Variants in BDKRB2 observed in about 807,000 individuals in gnomAD.
BDKRB2 encodes the protein bradykinin receptor B2.
In BDKRB2, 6 loss-of-function variants were observed where a neutral mutation model predicts 4.0. The observed-to-expected ratio is 1.49, with a 90% CI of 0.81 to 2.93. The LOEUF (loss-of-function observed/expected upper bound fraction) is 2.93. BDKRB2 is among the 30% of genes most tolerant of loss of function. The pLI, the probability that BDKRB2 is intolerant of heterozygous loss-of-function variation, is 0.00. For synonymous variants in BDKRB2, 225 were observed against 215.3 expected, an observed-to-expected ratio of 1.05 and a Z score of -0.40; for missense variants, 478 against 520.1, an observed-to-expected ratio of 0.92 and a Z score of 0.79.
chr14:96,204,882 TGGGGAC>T lies in BDKRB2; in HGVS notation c.-114_-109del, dbSNP rs1566685364. ...GGGCTCCGAGGAGGGGTGGGGACGG[TGGGGAC>T]GGTGGGGACATCAGGCTGCCCCGCA... On this transcript the variant is annotated 5_prime_UTR_variant, in exon 1 of 3. Transcript: ENST00000554311. The T allele has an allele frequency of 2.6e-5, 9 of 348,608 alleles. No individual in the cohort carries two copies. Among genetic ancestry groups the T allele is most frequent in the Non-Finnish European group, 3.4e-5 (6 of 175,764 alleles). 21.6% of individuals were successfully genotyped at this position (348,608 alleles called of 1,614,324 possible).
chr14:96,219,474 T>C lies in BDKRB2; in HGVS notation c.-40+14515T>C, dbSNP rs923994723. Among the ~76,000 whole-genome samples, 4 of 152,018 alleles carry C rather than the reference T, an allele frequency of 2.6e-5. No individual in the cohort carries two copies. In the East Asian group the frequency reaches 5.8e-4, roughly 22 times the overall value. On this transcript the variant is annotated intron_variant, in intron 1 of 2. Coordinates refer to ENST00000554311, the MANE Select transcript of BDKRB2 (RefSeq NM_001379692.1). ...TGCTCTGCCCTATGCCCTTGGGGAC[T>C]TCTGGACAAGGGTGGGCTTCTCTGG...
At chr14:96,209,351 G>C (rs906696688) in intron 1 of BDKRB2, among the ~76,000 whole-genome samples, 3 of 152,204 alleles carry the variant, frequency 2.0e-5, no homozygotes, top group African/African-American at 7.2e-5. Context: ...GAGACTTAGT[G>C]TTGTAAATCA....
At chr14:96,219,581 C>CA (rs374282062) in intron 1 of BDKRB2, among the ~76,000 whole-genome samples, 1,502 of 135,890 alleles carry the variant, frequency 0.011, 33 homozygotes, top group African/African-American at 0.034. Context: ...CTAACTGTAG[C>CA]AAAAAAAAAA....
intron 1 of BDKRB2, among the ~76,000 whole-genome samples, chr14:96,220,458 C>A (rs1890531994): frequency 6.6e-6 from 1 of 152,086 alleles, no homozygotes; most frequent in Admixed American, 6.5e-5. Context: ...TACAAGGAAG[C>A]TGACAGATCT....
In BDKRB2 at chr14:96,223,476, T is replaced by C. The variant is rs184627842; in HGVS notation, c.-39-13593T>C. The C allele has an allele frequency of 4.5e-4, 284 of 630,072 alleles. 3 individuals are homozygous for C. Among genetic ancestry groups the C allele is most frequent in the Non-Finnish European group, 7.5e-4 (257 of 343,158 alleles). 39.0% of individuals were successfully genotyped at this position (630,072 alleles called of 1,614,324 possible). ...TATTTAAAAGATGTTCAATACACTGTTTGAATGTGCTGGTAACTGCTTTGC... is the reference window on the plus strand; with the variant it reads ...TATTTAAAAGATGTTCAATACACTGCTTGAATGTGCTGGTAACTGCTTTGC... On this transcript the variant is annotated intron_variant, in intron 1 of 2. Transcript: ENST00000554311.
intron 1 of BDKRB2, among the ~76,000 whole-genome samples, chr14:96,236,361 C>A (rs1007708211): frequency 6.6e-6 from 1 of 152,172 alleles, no homozygotes; most frequent in Non-Finnish European, 1.5e-5. Context: ...CTCCAAAGAA[C>A]CTCCCCTTTA....
At chr14:96,239,661 C>T (rs1595265419) in intron 2 of BDKRB2, 13 of 947,316 alleles carry the variant, frequency 1.4e-5, no homozygotes, top group Non-Finnish European at 1.3e-5. Context: ...CTATCACAAC[C>T]CTGAGAGGTA....
At chr14:96,211,821 A>G (rs1307311049) in intron 1 of BDKRB2, among the ~76,000 whole-genome samples, 2 of 152,306 alleles carry the variant, frequency 1.3e-5, no homozygotes, top group South Asian at 2.1e-4. Context: ...CAAACTACCT[A>G]CGAAAACTGG....
At chr14:96,236,375 G>A (rs1312557723) in intron 1 of BDKRB2, among the ~76,000 whole-genome samples, 2 of 152,076 alleles carry the variant, frequency 1.3e-5, no homozygotes, top group Non-Finnish European at 2.9e-5. Flanking sequence ...CCCTTTAACA[G>A]TTCCAGCCTT....
In BDKRB2 at chr14:96,240,861, G is replaced by T. The variant is rs1479223093; in HGVS notation, c.533G>T (p.Ser178Ile). Residue 178 changes from serine to isoleucine, a missense_variant, in exon 3 of 3, where the codon AGC becomes ATC. Physicochemically the swap from Ser to Ile is moderately radical, Grantham distance 142. Coordinates refer to ENST00000554311, the MANE Select transcript of BDKRB2 (RefSeq NM_001379692.1). The part of the protein sequence containing the change: ...MRGVRWAKLY[S>I]LVIWGCTLLL... ...GGCGTGCGCTGGGCCAAGCTCTACA[G>T]CTTGGTGATCTGGGGGTGTACGCTG... 1 of 1,580,892 alleles carries T rather than the reference G, an allele frequency of 6.3e-7. No individual in the cohort carries two copies. The highest frequency in any genetic ancestry group is 2.2e-5 in the East Asian group (1 of 44,744).
intron 1 of BDKRB2, among the ~76,000 whole-genome samples, chr14:96,227,993 G>A (rs193187915): frequency 6.6e-6 from 1 of 152,212 alleles, no homozygotes; most frequent in Admixed American, 6.5e-5. Context: ...CCCCTGCACA[G>A]GGCTTGTTCC....
chr14:96,224,255 A>G (rs573150284), intron 1 of BDKRB2, among the ~76,000 whole-genome samples: 1 of 152,218 alleles, frequency 6.6e-6, no homozygotes. Context: ...ACTTGTGGGT[A>G]TATTCCAAAT....
intron 1 of BDKRB2, among the ~76,000 whole-genome samples, chr14:96,212,036 G>A (rs1890315237): frequency 6.6e-6 from 1 of 152,176 alleles, no homozygotes; most frequent in Non-Finnish European, 1.5e-5. Flanking sequence ...TGTCTGGAAA[G>A]CAACAGGAGA....
At chr14:96,228,878 C>T (rs1221324974) in intron 1 of BDKRB2, among the ~76,000 whole-genome samples, 1 of 152,244 alleles carries the variant, frequency 6.6e-6, no homozygotes, top group African/African-American at 2.4e-5. Flanking sequence ...CAGGCAGACC[C>T]AGGCTTGAAT....
chr14:96,234,908 A>G (rs989135411), intron 1 of BDKRB2, among the ~76,000 whole-genome samples: 5 of 152,152 alleles, frequency 3.3e-5, no homozygotes, highest in Non-Finnish European at 7.4e-5. Flanking sequence ...GTAGAAATGG[A>G]AGCTGTACAT....
intron 1 of BDKRB2, among the ~76,000 whole-genome samples, chr14:96,227,725 G>T (rs755434320): frequency 6.6e-6 from 1 of 152,078 alleles, no homozygotes; most frequent in African/African-American, 2.4e-5. Context: ...ACACACATGC[G>T]TGCACACTGT....
intron 1 of BDKRB2, among the ~76,000 whole-genome samples, chr14:96,230,514 C>A (rs986246820): frequency 2.5e-4 from 38 of 152,264 alleles, no homozygotes; most frequent in African/African-American, 7.2e-4. Flanking sequence ...CCCGCCTCAG[C>A]CCCCCAAGTA....
At chr14:96,225,956 C>T (rs1890686493) in intron 1 of BDKRB2, among the ~76,000 whole-genome samples, 1 of 152,136 alleles carries the variant, frequency 6.6e-6, no homozygotes, top group African/African-American at 2.4e-5. Context: ...CCGGAGACCA[C>T]CAGGGGGCTG....
intron 1 of BDKRB2, among the ~76,000 whole-genome samples, chr14:96,208,741 G>A (rs911075742): frequency 6.6e-6 from 1 of 152,104 alleles, no homozygotes; most frequent in African/African-American, 2.4e-5. Context: ...ATGAGCCTGT[G>A]GGCACTGACA....
Sources: gnomAD v4.1 joint callset for allele counts (sites outside exome capture counted in the v4.1 genomes callset) on GRCh38, gnomAD v4.1.1 for gene constraint, MANE v1.5 for transcripts, NCBI Gene and HGNC (gene_info 2026-07-23, HGNC 2026-07-21) for gene names.